The following FRMPD4 variants were observed in gnomAD, a reference collection of about 807,000 sequenced individuals.
FRMPD4 encodes the protein FERM and PDZ domain-containing protein 4.
In FRMPD4, 22 loss-of-function variants were observed where a neutral mutation model predicts 94.1. That is an observed-to-expected ratio of 0.23 (90% CI 0.17 to 0.33). The LOEUF (loss-of-function observed/expected upper bound fraction) is 0.33. Among genes scored for constraint, FRMPD4 ranks in the 10% least tolerant of loss-of-function variants. The pLI, the probability that FRMPD4 is intolerant of heterozygous loss-of-function variation, is 1.00. For missense variants in FRMPD4, 1,111 were observed against 1,339.9 expected, an observed-to-expected ratio of 0.83 and a Z score of 2.67; for synonymous variants, 631 against 548.6, an observed-to-expected ratio of 1.15 and a Z score of -2.10.
intron 2 of FRMPD4, among the ~76,000 whole-genome samples, chrX:12,517,675 A>T (rs894828598): frequency 5.3e-5 from 6 of 112,519 alleles, no homozygotes; most frequent in Non-Finnish European, 1.1e-4. Flanking sequence ...GTTCTCATCC[A>T]GTCAGGAGGC....
intron 3 of FRMPD4, among the ~76,000 whole-genome samples, chrX:12,122,388 C>T (rs2055462883): frequency 8.9e-6 from 1 of 111,895 alleles, no homozygotes. Flanking sequence ...ATGGCTTCAT[C>T]CTTCTGTAGG....
intron 3 of FRMPD4, among the ~76,000 whole-genome samples, chrX:12,067,409 GTTTT>G (rs746734594): frequency 1.8e-5 from 2 of 108,234 alleles, no homozygotes; most frequent in African/African-American, 6.7e-5. Flanking sequence ...TTGTTTGTTT[GTTTT>G]TGTTTTTGTT....
Position 12,692,036 on chromosome X carries a change from C to T in FRMPD4, c.813+1710C>T, listed in dbSNP as rs1027083953. Among the ~76,000 whole-genome samples the T allele has an allele frequency of 5.4e-5, 6 of 111,879 alleles. No individual in the cohort carries two copies. The Admixed American group carries it at 5.7e-4, about 11-fold the overall frequency. ...TTACTACGAGTCTAATGAAACCCCC[C>T]ACAACGTTTTGATCTTTCTGGTTAT... On this transcript the variant is annotated intron_variant, in intron 8 of 16. Coordinates refer to ENST00000675598, the MANE Select transcript of FRMPD4 (RefSeq NM_001368397.1).
At chrX:12,504,427 A>G (rs114223541) in intron 2 of FRMPD4, among the ~76,000 whole-genome samples, 88 of 112,772 alleles carry the variant, frequency 7.8e-4, no homozygotes, top group African/African-American at 2.8e-3. Context: ...GAGTTCCTAG[A>G]TCCCAAGCAT....
intron 3 of FRMPD4, among the ~76,000 whole-genome samples, chrX:11,986,094 C>T (rs1314325380): frequency 1.8e-5 from 2 of 112,221 alleles, no homozygotes; most frequent in South Asian, 3.7e-4. Context: ...GAGCAACACT[C>T]AGTACTGTGC....
intron 3 of FRMPD4, among the ~76,000 whole-genome samples, chrX:11,882,233 G>A (rs974732693): frequency 2.7e-5 from 3 of 111,222 alleles, no homozygotes; most frequent in African/African-American, 9.8e-5. Flanking sequence ...GTAAAGAGGA[G>A]ATAGCCAAGA....
intron 1 of FRMPD4, among the ~76,000 whole-genome samples, chrX:12,203,840 A>C (rs1359221568): frequency 1.8e-5 from 2 of 112,156 alleles, no homozygotes; most frequent in Non-Finnish European, 3.8e-5. Flanking sequence ...GAATCCATCT[A>C]ATTGACAACT....
intron 2 of FRMPD4, among the ~76,000 whole-genome samples, chrX:12,547,011 TAAAAAAAA>T (rs57946725): frequency 3.0e-5 from 1 of 33,764 alleles, no homozygotes; most frequent in Non-Finnish European, 4.8e-5. Context: ...ACTGTCTCTT[TAAAAAAAA>T]AAAAAAAAAA....
chrX:12,699,569 G>T (rs764493392), intron 9 of FRMPD4, among the ~76,000 whole-genome samples: 6 of 112,100 alleles, frequency 5.4e-5, no homozygotes, highest in Non-Finnish European at 1.1e-4. Context: ...CCATCCAGGG[G>T]TATATGTTCC....
At chrX:12,011,060 A>G (rs767326060) in intron 3 of FRMPD4, among the ~76,000 whole-genome samples, 85 of 112,592 alleles carry the variant, frequency 7.5e-4, no homozygotes, top group African/African-American at 2.7e-3. Context: ...AAGCTATACT[A>G]TTTCTGACTT....
chrX:11,952,054 A>G (rs2054227376), intron 3 of FRMPD4, among the ~76,000 whole-genome samples: 1 of 112,220 alleles, frequency 8.9e-6, no homozygotes, highest in Admixed American at 9.4e-5. Flanking sequence ...ATAAATACAT[A>G]CGTACATGCA....
At chrX:12,159,331 C>T (rs962551817) in intron 1 of FRMPD4, among the ~76,000 whole-genome samples, 7 of 111,909 alleles carry the variant, frequency 6.3e-5, no homozygotes, top group Non-Finnish European at 1.3e-4. Context: ...TAGATCTGAC[C>T]GCAAGAGGCT....
intron 1 of FRMPD4, among the ~76,000 whole-genome samples, chrX:12,258,530 A>C (rs2054145747): frequency 9.0e-6 from 1 of 111,124 alleles, no homozygotes; most frequent in African/African-American, 3.3e-5. Context: ...TATTCTGTGT[A>C]AGTTACCCAG....
intron 2 of FRMPD4, among the ~76,000 whole-genome samples, chrX:12,551,130 A>G (rs772688310): frequency 2.7e-5 from 3 of 110,737 alleles, no homozygotes; most frequent in Non-Finnish European, 3.8e-5. Flanking sequence ...TTTTCATTCA[A>G]TACTATAGTT....
At chrX:11,964,712 C>T (rs2054301463) in intron 3 of FRMPD4, among the ~76,000 whole-genome samples, 1 of 112,556 alleles carries the variant, frequency 8.9e-6, no homozygotes, top group African/African-American at 3.2e-5. Context: ...AGATTATGTC[C>T]TGTGTCAGTT....
At chrX:12,268,815 A>G (rs1400665448) in intron 1 of FRMPD4, among the ~76,000 whole-genome samples, 6 of 112,219 alleles carry the variant, frequency 5.3e-5, no homozygotes, top group Admixed American at 4.7e-4. Flanking sequence ...AAATAGTCTT[A>G]AAGATTCCTA....
intron 1 of FRMPD4, among the ~76,000 whole-genome samples, chrX:12,165,333 C>G (rs1375141946): frequency 1.8e-5 from 2 of 112,053 alleles, no homozygotes; most frequent in Non-Finnish European, 3.8e-5. Flanking sequence ...TTGTTTTTGT[C>G]AGGTTTGTCA....
intron 1 of FRMPD4, among the ~76,000 whole-genome samples, chrX:12,144,830 G>C: frequency 9.2e-6 from 1 of 108,215 alleles, no homozygotes; most frequent in East Asian, 2.8e-4. Context: ...TCATCAACTT[G>C]TATTTCCAAG....
intron 3 of FRMPD4, among the ~76,000 whole-genome samples, chrX:12,000,600 G>T (rs1415406382): frequency 2.7e-5 from 3 of 111,586 alleles, no homozygotes; most frequent in Non-Finnish European, 3.8e-5. Context: ...TACAGTAGCT[G>T]CCTTGGAATA....
Sources: allele counts gnomAD v4.1 joint callset (sites outside exome capture counted in the v4.1 genomes callset), GRCh38; gene constraint gnomAD v4.1.1; transcripts MANE v1.5; gene names NCBI Gene and HGNC (gene_info 2026-07-23, HGNC 2026-07-21).